AP1G1: variants seen among roughly 807,000 people sequenced by gnomAD.
AP1G1 encodes the protein AP-1 complex subunit gamma-1.
In AP1G1, 7 loss-of-function variants were observed where a neutral mutation model predicts 108.3. The ratio of observed to expected loss-of-function variants is 0.06; its 90% CI spans 0.04 to 0.12. AP1G1 has a LOEUF of 0.12. Among genes scored for constraint, AP1G1 ranks in the 10% least tolerant of loss-of-function variants. The pLI, the probability that AP1G1 is intolerant of heterozygous loss-of-function variation, is 1.00. For missense variants in AP1G1, 756 were observed against 1,010.7 expected (o/e 0.75, Z 3.42); for synonymous variants, 379 against 353.5 (o/e 1.07, Z -0.81).
chr16:71,806,710 G>A (rs1196114954), intron 1 of AP1G1: 1 of 1,288,586 alleles, frequency 7.8e-7, no homozygotes, highest in East Asian at 5.6e-5. Flanking sequence ...TTACATAGGT[G>A]TTCAGTGTTT....
intron 9 of AP1G1, 26 bp from the exon 10 acceptor site, chr16:71,761,593 A>G: frequency 6.4e-7 from 1 of 1,557,092 alleles, no homozygotes; most frequent in Non-Finnish European, 8.8e-7. Context: ...ATAGGTCGAA[A>G]TTTAGGAAAA....
At chr16:71,807,582 T>C (rs1406278395) in intron 1 of AP1G1, among the ~76,000 whole-genome samples, 1 of 152,216 alleles carries the variant, frequency 6.6e-6, no homozygotes, top group Admixed American at 6.5e-5. Context: ...AAGTTAGGTA[T>C]TTGACAAGTA....
Position 71,729,746 on chromosome 16 carries a change from A to T in AP1G1, c.*3312T>A, listed in dbSNP as rs1054066641. 3 of 152,628 alleles carry T rather than the reference A, an allele frequency of 2.0e-5. No individual in the cohort carries two copies. The highest frequency in any genetic ancestry group is 7.2e-5 in the African/African-American group (3 of 41,450). 9.5% of individuals were successfully genotyped at this position (152,628 alleles called of 1,614,324 possible). ...AAGTCATGAATACACAGACATGTAA[A>T]ACCACTCTCCCAACTACAAAGTTCA... On this transcript the variant is annotated 3_prime_UTR_variant, in exon 23 of 23. Transcript: ENST00000299980.
At chr16:71,742,530 A>G (rs1364344835) in intron 19 of AP1G1, 2 of 152,222 alleles carry the variant, frequency 1.3e-5, no homozygotes, top group South Asian at 2.1e-4. Context: ...GGCCTCACAA[A>G]TATCTTATGG....
At chr16:71,744,977 T>A (rs1273895406) in intron 19 of AP1G1, among the ~76,000 whole-genome samples, 167 bp downstream of exon 19, 2 of 152,218 alleles carry the variant, frequency 1.3e-5, no homozygotes. Context: ...TAGAGCATTA[T>A]TAGTATACAA....
chr16:71,750,439 G>T, intron 13 of AP1G1, 107 bp from the exon 14 acceptor site: 1 of 1,394,838 alleles, frequency 7.2e-7, no homozygotes. Context: ...TTTTGAGACA[G>T]AGTCTCGCTC....
chr16:71,783,756 C>G (rs1296478094), intron 2 of AP1G1, among the ~76,000 whole-genome samples: 1 of 152,182 alleles, frequency 6.6e-6, no homozygotes, highest in East Asian at 1.9e-4. Flanking sequence ...ATGTAGATTT[C>G]CATTCCACAA....
At chr16:71,781,642 A>C (rs1368339508) in intron 2 of AP1G1, among the ~76,000 whole-genome samples, 1 of 152,224 alleles carries the variant, frequency 6.6e-6, no homozygotes, top group East Asian at 1.9e-4. Flanking sequence ...AACAGCTTTG[A>C]GTATTACTCA....
At chr16:71,734,477 T>TTAG (rs1283403955) in intron 22 of AP1G1, 132 bp downstream of exon 22, 37 of 734,782 alleles carry the variant, frequency 5.0e-5, no homozygotes, top group Admixed American at 3.3e-4. Flanking sequence ...AGCAAGGAAG[T>TTAG]TAGACCAGGC....
chr16:71,808,820 A>C lies in AP1G1; in HGVS notation c.-61T>G. ...CGGGGGCGGCGGCAGCAGTGGCAGC[A>C]GGAACCGAACATCCAAAATGGCGGC... On this transcript the variant is annotated 5_prime_UTR_variant, in exon 1 of 23. Coordinates refer to ENST00000299980, the MANE Select transcript of AP1G1 (RefSeq NM_001128.6). 1 of 1,289,734 alleles carries C rather than the reference A, an allele frequency of 7.8e-7. No individual in the cohort carries two copies. The highest frequency in any genetic ancestry group is 1.2e-5 in the South Asian group (1 of 81,024). The allele number at this position is 1,289,734 out of a possible 1,614,324, so 79.9% of individuals were successfully genotyped here.
intron 2 of AP1G1, chr16:71,777,735 C>CTTCT (rs2031845639): frequency 2.2e-6 from 1 of 446,588 alleles, no homozygotes. Flanking sequence ...TCCTCCACCA[C>CTTCT]TTCTTTCTTT....
intron 19 of AP1G1, among the ~76,000 whole-genome samples, chr16:71,740,793 C>T (rs1567640695): frequency 6.6e-6 from 1 of 152,112 alleles, no homozygotes; most frequent in African/African-American, 2.4e-5. Context: ...ACAGTAGTTA[C>T]GTCTGGAATC....
chr16:71,787,970 T>C (rs779350812), intron 2 of AP1G1, among the ~76,000 whole-genome samples: 19 of 152,218 alleles, frequency 1.2e-4, no homozygotes, highest in Non-Finnish European at 2.2e-4. Flanking sequence ...CCTGGCTCCT[T>C]TTCTTTTGAT....
At chr16:71,755,786 C>T (rs957178697) in intron 12 of AP1G1, among the ~76,000 whole-genome samples, 1 of 152,032 alleles carries the variant, frequency 6.6e-6, no homozygotes, top group African/African-American at 2.4e-5. Context: ...GCTGGGACTA[C>T]AGGCGCGTGC....
At chr16:71,746,753 A>T in intron 16 of AP1G1, 61 bp from the exon 17 acceptor site, 5 of 1,252,374 alleles carry the variant, frequency 4.0e-6, no homozygotes, top group Non-Finnish European at 5.7e-6. Flanking sequence ...ATAAGCAGAG[A>T]TAATGTTTAA....
chr16:71,795,519 ATGCTTTCCCTCT>A (rs1200866867), intron 1 of AP1G1, among the ~76,000 whole-genome samples: 1 of 152,198 alleles, frequency 6.6e-6, no homozygotes, highest in Non-Finnish European at 1.5e-5. Flanking sequence ...AGAAGTTACC[ATGCTTTCCCTCT>A]TGCATTCTCC....
intron 1 of AP1G1, chr16:71,806,807 GA>G: frequency 1.2e-6 from 1 of 860,688 alleles, no homozygotes; most frequent in Non-Finnish European, 1.6e-6. Flanking sequence ...ATATATTTTT[GA>G]AAAATCTGCT....
intron 9 of AP1G1, among the ~76,000 whole-genome samples, chr16:71,763,414 A>G (rs1041142459): frequency 3.9e-5 from 6 of 152,228 alleles, no homozygotes; most frequent in Admixed American, 6.5e-5. Context: ...AGAACACAAA[A>G]AAGTTCTGGA....
At chr16:71,741,039 T>C (rs2045612745) in intron 19 of AP1G1, among the ~76,000 whole-genome samples, 1 of 152,172 alleles carries the variant, frequency 6.6e-6, no homozygotes, top group Non-Finnish European at 1.5e-5. Context: ...TTGACAATCA[T>C]ACAATAGAAG....
Sources: gnomAD v4.1 joint callset for allele counts (sites outside exome capture counted in the v4.1 genomes callset) on GRCh38, gnomAD v4.1.1 for gene constraint, MANE v1.5 for transcripts, NCBI Gene and HGNC (gene_info 2026-07-23, HGNC 2026-07-21) for gene names.